The following PLCXD3 variants were observed in gnomAD, a reference collection of about 807,000 sequenced individuals.
The protein encoded by PLCXD3 is phosphatidylinositol specific phospholipase C X domain containing 3.
In PLCXD3, 19 loss-of-function variants were observed where a neutral mutation model predicts 25.5. The ratio of observed to expected loss-of-function variants is 0.75; its 90% CI spans 0.52 to 1.09. PLCXD3 has a LOEUF of 1.09. Among genes scored for constraint, PLCXD3 ranks in the 50% least tolerant of loss-of-function variants. The pLI is 0.00. For missense variants in PLCXD3, 411 were observed against 388.1 expected (o/e 1.06, Z -0.50); for synonymous variants, 174 against 137.6 (o/e 1.26, Z -1.85).
At chr5:41,437,583 T>A (rs1304061453) in intron 1 of PLCXD3, among the ~76,000 whole-genome samples, 1 of 152,126 alleles carries the variant, frequency 6.6e-6, no homozygotes, top group African/African-American at 2.4e-5. Context: ...TCACAAACTT[T>A]AAAGTAGGAA....
At position 41,428,384 on chromosome 5, in the gene PLCXD3, T is replaced by TG. The variant is rs112382408; in HGVS notation, c.104-45851_104-45850insC. 7.7e-4 allele frequency among the ~76,000 whole-genome samples: 112 copies of TG among 145,720 alleles called. 2 individuals carry two copies. The highest frequency in any genetic ancestry group is 2.9e-3 in the African/African-American group (112 of 38,936). ...ATTAAGTTAAAATGAGTTTTTTTGT[T>TG]TTTGTTTTTGTTTTTTTTAGGGTGG... On this transcript the variant is annotated intron_variant, in intron 1 of 2. Coordinates refer to ENST00000377801, the MANE Select transcript of PLCXD3 (RefSeq NM_001005473.3).
chr5:41,483,862 C>A (rs910656672), intron 1 of PLCXD3, among the ~76,000 whole-genome samples: 7 of 151,962 alleles, frequency 4.6e-5, no homozygotes, highest in Admixed American at 1.3e-4. Context: ...CCATTTTTGG[C>A]CCTCCCCTAT....
At chr5:41,338,599 G>C (rs74500365) in intron 2 of PLCXD3, among the ~76,000 whole-genome samples, 9 of 152,094 alleles carry the variant, frequency 5.9e-5, no homozygotes, top group Admixed American at 3.9e-4. Context: ...TGTTTTAGGG[G>C]CTTGGAATTC....
intron 1 of PLCXD3, among the ~76,000 whole-genome samples, chr5:41,441,671 G>A (rs764051073): frequency 5.9e-5 from 9 of 152,084 alleles, no homozygotes; most frequent in South Asian, 4.1e-4. Flanking sequence ...TGATTCTTTT[G>A]TCACTGCATG....
At chr5:41,459,880 TC>T (rs1354036357) in intron 1 of PLCXD3, among the ~76,000 whole-genome samples, 1 of 151,942 alleles carries the variant, frequency 6.6e-6, no homozygotes, top group Non-Finnish European at 1.5e-5. Flanking sequence ...TTACTGAGCA[TC>T]TATTCTGTGC....
chr5:41,459,384 T>G (rs1015255983), intron 1 of PLCXD3, among the ~76,000 whole-genome samples: 1 of 151,854 alleles, frequency 6.6e-6, no homozygotes, highest in African/African-American at 2.4e-5. Context: ...CAATTAGATT[T>G]CATTGCTATA....
At chr5:41,431,634 A>T (rs764300648) in intron 1 of PLCXD3, among the ~76,000 whole-genome samples, 2 of 152,216 alleles carry the variant, frequency 1.3e-5, no homozygotes, top group Admixed American at 6.5e-5. Context: ...ATTCAAAAAT[A>T]AAAGTAGCAT....
At chr5:41,435,877 A>AT (rs2150510113) in intron 1 of PLCXD3, among the ~76,000 whole-genome samples, 1 of 152,346 alleles carries the variant, frequency 6.6e-6, no homozygotes, top group South Asian at 2.1e-4. Context: ...ATTCAGCATC[A>AT]TTTGAGATAG....
chr5:41,461,265 TA>T (rs1477617667), intron 1 of PLCXD3, among the ~76,000 whole-genome samples: 3 of 151,976 alleles, frequency 2.0e-5, no homozygotes, highest in Non-Finnish European at 4.4e-5. Context: ...ATCCTAAGTT[TA>T]AAAAAATTTC....
chr5:41,509,864 T>G, intron 1 of PLCXD3, among the ~76,000 whole-genome samples: 1 of 152,228 alleles, frequency 6.6e-6, no homozygotes, highest in Admixed American at 6.5e-5. Context: ...AGGGCAGCTA[T>G]CACGCCGCCT....
At chr5:41,386,250 T>C (rs1367844598) in intron 1 of PLCXD3, among the ~76,000 whole-genome samples, 1 of 152,114 alleles carries the variant, frequency 6.6e-6, no homozygotes, top group Non-Finnish European at 1.5e-5. Context: ...TTAAAGATGG[T>C]TTAAAAAATA....
chr5:41,508,118 A>T (rs1749091635), intron 1 of PLCXD3, among the ~76,000 whole-genome samples: 1 of 152,152 alleles, frequency 6.6e-6, no homozygotes, highest in South Asian at 2.1e-4. Flanking sequence ...TGAGAAGGGG[A>T]AGCTTTACAG....
chr5:41,452,557 G>A (rs72758315), intron 1 of PLCXD3, among the ~76,000 whole-genome samples: 3,871 of 152,030 alleles, frequency 0.025, 77 homozygotes, highest in Non-Finnish European at 0.032. Flanking sequence ...CAACAAAAGT[G>A]TAAAAATTCT....
Position 41,313,540 on chromosome 5 carries a change from T to C in PLCXD3, c.*77A>G, listed in dbSNP as rs1743202002. 1.9e-6 allele frequency: 3 copies of C among 1,554,636 alleles called. No homozygotes were observed. The highest frequency in any genetic ancestry group is 2.7e-6 in the Non-Finnish European group (3 of 1,129,550). On this transcript the variant is annotated 3_prime_UTR_variant, in exon 3 of 3. Coordinates refer to ENST00000377801, the MANE Select transcript of PLCXD3 (RefSeq NM_001005473.3). ...TCAGAGACTCAGTGGAATAGGAAGA[T>C]CAGAGTGTTTACAGATAGTATGCCC...
chr5:41,318,307 C>A (rs1392721099), intron 2 of PLCXD3, among the ~76,000 whole-genome samples: 1 of 152,032 alleles, frequency 6.6e-6, no homozygotes, highest in Non-Finnish European at 1.5e-5. Context: ...ATAACACTGC[C>A]ACTGTGGTAT....
intron 1 of PLCXD3, among the ~76,000 whole-genome samples, chr5:41,419,521 T>G (rs984768348): frequency 6.6e-6 from 1 of 152,184 alleles, no homozygotes; most frequent in African/African-American, 2.4e-5. Flanking sequence ...AAACAGTAGA[T>G]AGTATTTCTG....
intron 2 of PLCXD3, among the ~76,000 whole-genome samples, chr5:41,333,582 T>C (rs1360012590): frequency 1.3e-5 from 2 of 152,184 alleles, no homozygotes; most frequent in African/African-American, 4.8e-5. Context: ...CATCTCTGTG[T>C]AGGAAGCAGC....
In PLCXD3 at chr5:41,396,926, A is replaced by G. The variant is rs553212818; in HGVS notation, c.104-14392T>C. Among the ~76,000 whole-genome samples the G allele has an allele frequency of 2.0e-5, 3 of 152,326 alleles. No homozygotes were observed. The East Asian group carries it at 5.8e-4, about 29-fold the overall frequency. ...ATTTCTAAGCAGCAAAGCACTCCAG[A>G]TGTGGCCTTGCTGCTTCTAAAAGCC... On this transcript the variant is annotated intron_variant, in intron 1 of 2. Coordinates refer to ENST00000377801, the MANE Select transcript of PLCXD3 (RefSeq NM_001005473.3).
At chr5:41,384,861 C>T (rs961603674) in intron 1 of PLCXD3, among the ~76,000 whole-genome samples, 2 of 152,050 alleles carry the variant, frequency 1.3e-5, no homozygotes, top group Admixed American at 1.3e-4. Context: ...CCAATGGTGG[C>T]TTCACCAGTA....
Sources: allele counts gnomAD v4.1 joint callset (sites outside exome capture counted in the v4.1 genomes callset), GRCh38; gene constraint gnomAD v4.1.1; transcripts MANE v1.5; gene names NCBI Gene and HGNC (gene_info 2026-07-23, HGNC 2026-07-21).